Variants in FAM78A observed in about 807,000 individuals in gnomAD.
FAM78A encodes the protein family with sequence similarity 78 member A.
In FAM78A, 12 loss-of-function variants were observed where a neutral mutation model predicts 22.6. The observed-to-expected ratio is 0.53, with a 90% CI of 0.34 to 0.86. The LOEUF (loss-of-function observed/expected upper bound fraction) is 0.86. Ranked by LOEUF, FAM78A falls within the 40% of genes least tolerant of loss-of-function variation. FAM78A has a pLI of 0.02. For missense variants in FAM78A, 322 were observed against 396.1 expected, an observed-to-expected ratio of 0.81 and a Z score of 1.59; for synonymous variants, 151 against 155.8, an observed-to-expected ratio of 0.97 and a Z score of 0.23.
chr9:131,276,245 C>G lies in FAM78A; in HGVS notation c.-66G>C. 9 of 1,361,946 alleles carry G rather than the reference C, an allele frequency of 6.6e-6. No homozygotes were observed. The highest frequency in any genetic ancestry group is 1.5e-5 in the African/African-American group (1 of 68,880). The allele number at this position is 1,361,946 out of a possible 1,614,324, so 84.4% of individuals were successfully genotyped here. On this transcript the variant is annotated 5_prime_UTR_variant, in exon 1 of 2. Transcript: ENST00000372271. This position sits in a 1 kb window ranked among gnomAD's most constrained non-coding sequence, Gnocchi z 4.3. The stretch of plus-strand genomic sequence containing the variant: ...GCTCTCCAATCTCAACTCTCAAGAC[C>G]GATATCCATAGGATAGAAAACTCAC...
chr9:131,265,665 C>T lies in FAM78A; in HGVS notation c.324-4315G>A, dbSNP rs957675200. ...CCTCCCAAAGTGCTGGGATTACAGG[C>T]GTGAGCCACCGCACCTGGCTGTAAA... On this transcript the variant is annotated intron_variant, in intron 1 of 1. Coordinates refer to ENST00000372271, the MANE Select transcript of FAM78A (RefSeq NM_033387.4). This position sits in a 1 kb window ranked among gnomAD's most constrained non-coding sequence, Gnocchi z 4.3. Among the ~76,000 whole-genome samples the T allele has an allele frequency of 6.6e-6, 1 of 152,182 alleles. No individual in the cohort carries two copies. Among genetic ancestry groups the T allele is most frequent in the Non-Finnish European group, 1.5e-5 (1 of 68,028 alleles).
At position 131,276,132 on chromosome 9, in the gene FAM78A, CG is replaced by C; in HGVS notation, c.47del (p.Ala16GlyfsTer25). On this transcript the variant is annotated frameshift_variant, in exon 1 of 2. Transcript: ENST00000372271. LOFTEE classifies it high-confidence loss of function. This position sits in a 1 kb window ranked among gnomAD's most constrained non-coding sequence, Gnocchi z 4.3. The part of the protein sequence containing the change: ...CDCWPSLEIR[A>X]LLYAMGCIQS... ...GAATACAGCCCATGGCATACAGGAG[CG>C]CTCTGATCTCCAGGGAAGGCCAGCA... is the stretch of plus-strand genomic sequence containing the variant. 6.2e-7 allele frequency: 1 copy of C among 1,613,568 alleles called. No homozygotes were observed. The highest frequency in any genetic ancestry group is 8.5e-7 in the Non-Finnish European group (1 of 1,179,968).
rs778160683 is a variant in FAM78A at position 131,261,724 on chromosome 9, C to T, written c.324-374G>A. 6.6e-6 allele frequency among the ~76,000 whole-genome samples: 1 copy of T among 152,128 alleles called. No individual in the cohort carries two copies. Among genetic ancestry groups the T allele is most frequent in the Non-Finnish European group, 1.5e-5 (1 of 68,024 alleles). On this transcript the variant is annotated intron_variant, in intron 1 of 1. Coordinates refer to ENST00000372271, the MANE Select transcript of FAM78A (RefSeq NM_033387.4). The surrounding 1 kb of genome is among the most constrained non-coding windows in gnomAD (Gnocchi z 7.1). ...ACAATCTTCTCCATGCAACCCCACC[C>T]GGCAGATACAGAAAGTGAAGTGGTG...
In FAM78A at chr9:131,261,744, G is replaced by C. The variant is rs1588196220; in HGVS notation, c.324-394C>G. Among the ~76,000 whole-genome samples the C allele has an allele frequency of 1.3e-5, 2 of 152,324 alleles. No homozygotes were observed. The highest frequency in any genetic ancestry group is 6.5e-5 in the Admixed American group (1 of 15,298). On this transcript the variant is annotated intron_variant, in intron 1 of 1. Coordinates refer to ENST00000372271, the MANE Select transcript of FAM78A (RefSeq NM_033387.4). This position sits in a 1 kb window ranked among gnomAD's most constrained non-coding sequence, Gnocchi z 7.1. ...CCACCCGGCAGATACAGAAAGTGAA[G>C]TGGTGGGCTGGGGGTGGAGAGTGAG...
intron 1 of FAM78A, chr9:131,264,831 C>A: frequency 1.9e-6 from 1 of 522,654 alleles, no homozygotes; most frequent in Non-Finnish European, 3.4e-6. Context: ...TCAAGTGATT[C>A]TTCTGCCTCA....
chr9:131,277,050 G>T (rs1176511545), upstream of FAM78A, among the ~76,000 whole-genome samples: 1 of 150,648 alleles, frequency 6.6e-6, no homozygotes, highest in Non-Finnish European at 1.5e-5. The surrounding 1 kb of genome is among the most constrained non-coding windows in gnomAD (Gnocchi z 8.4). Context: ...CTGGGCGCGG[G>T]CTGCGGAGCT....
At chr9:131,268,825 G>A (rs1184164196) in intron 1 of FAM78A, among the ~76,000 whole-genome samples, 3 of 151,900 alleles carry the variant, frequency 2.0e-5, no homozygotes, top group Non-Finnish European at 2.9e-5. Context: ...CCCGGGAGGC[G>A]GAGCTTGCAG....
intron 1 of FAM78A, among the ~76,000 whole-genome samples, chr9:131,271,164 T>G (rs1835416832): frequency 6.6e-6 from 1 of 152,104 alleles, no homozygotes; most frequent in Admixed American, 6.5e-5. Flanking sequence ...CATGCCACCA[T>G]GCCTGGCTAA....
At chr9:131,267,892 T>G (rs1361931064) in intron 1 of FAM78A, among the ~76,000 whole-genome samples, 1 of 151,640 alleles carries the variant, frequency 6.6e-6, no homozygotes. Flanking sequence ...AAAAATATAT[T>G]TTAAAAAAAA....
intron 1 of FAM78A, among the ~76,000 whole-genome samples, chr9:131,266,644 C>T (rs1016871335): frequency 6.6e-6 from 1 of 152,242 alleles, no homozygotes; most frequent in African/African-American, 2.4e-5. Context: ...TTCAACGCCA[C>T]TGGATCTCAT....
rs531931056 is a variant in FAM78A, at chr9:131,275,358, A to G, written c.323+499T>C. On this transcript the variant is annotated intron_variant, in intron 1 of 1. Transcript: ENST00000372271. This position sits in a 1 kb window ranked among gnomAD's most constrained non-coding sequence, Gnocchi z 4.6. ...GGGAAGCACTCCCCCAGCTCCTGGC[A>G]TACACTGGTAAAAGCCAGAAAGATA... Among the ~76,000 whole-genome samples the G allele has an allele frequency of 1.3e-5, 2 of 152,354 alleles. No homozygotes were observed. The highest frequency in any genetic ancestry group is 1.9e-4 in the East Asian group (1 of 5,192).
upstream of FAM78A, among the ~76,000 whole-genome samples, chr9:131,278,995 A>G (rs1003364841): frequency 3.9e-5 from 6 of 152,262 alleles, no homozygotes; most frequent in African/African-American, 1.4e-4. Flanking sequence ...GACATCTCAC[A>G]GCAGCACCGG....
upstream of FAM78A, among the ~76,000 whole-genome samples, chr9:131,279,100 G>A (rs910644506): frequency 6.6e-6 from 1 of 152,228 alleles, no homozygotes; most frequent in African/African-American, 2.4e-5. Flanking sequence ...CGTATCCCCA[G>A]CTAATGAGGA....
chr9:131,277,960 T>TCGCCGC (rs1300073106), upstream of FAM78A, among the ~76,000 whole-genome samples: 1 of 145,568 alleles, frequency 6.9e-6, no homozygotes, highest in African/African-American at 2.5e-5. This position sits in a 1 kb window ranked among gnomAD's most constrained non-coding sequence, Gnocchi z 8.4. Flanking sequence ...CCGCGTCCGC[T>TCGCCGC]CGCCGCCGCC....
intron 1 of FAM78A, among the ~76,000 whole-genome samples, chr9:131,271,303 A>G (rs1564238863): frequency 6.6e-6 from 1 of 152,214 alleles, no homozygotes; most frequent in Non-Finnish European, 1.5e-5. Flanking sequence ...GGATAATGTA[A>G]CAACAGCAAC....
chr9:131,261,488 G>A lies in FAM78A; in HGVS notation c.324-138C>T. 1 of 703,564 alleles carries A rather than the reference G, an allele frequency of 1.4e-6. No homozygotes were observed. Among genetic ancestry groups the A allele is most frequent in the Admixed American group, 3.1e-5 (1 of 32,412 alleles). The allele number at this position is 703,564 out of a possible 1,614,324, so 43.6% of individuals were successfully genotyped here. A position where few individuals can be genotyped will look rare whatever the true frequency, so the allele number is the denominator to read the frequency against. On this transcript the variant is annotated intron_variant, in intron 1 of 1. Transcript: ENST00000372271. The surrounding 1 kb of genome is among the most constrained non-coding windows in gnomAD (Gnocchi z 7.1). Reference sequence around the variant, plus strand: ...ACCACCCGGTCCCCTTTGACGTTCTGGGGGCAGGGGGTCAGACAGTAGCTC... The same window carrying A: ...ACCACCCGGTCCCCTTTGACGTTCTAGGGGCAGGGGGTCAGACAGTAGCTC...
In FAM78A at chr9:131,270,032, T is replaced by TAAA. The variant is rs1435340970; in HGVS notation, c.323+5822_323+5824dup. On this transcript the variant is annotated intron_variant, in intron 1 of 1. Transcript: ENST00000372271. ...CAGCATGGTGAAACCCCATCCCTAC[T>TAAA]AAAATAAAAAAAAAAAAAAAAAAAA... 8.8e-3 allele frequency among the ~76,000 whole-genome samples: 299 copies of TAAA among 34,084 alleles called. 6 individuals are homozygous for TAAA. The highest frequency in any genetic ancestry group is 0.027 in the African/African-American group (288 of 10,722). The allele number at this position is 34,084 out of a possible 152,430, so 22.4% of individuals were successfully genotyped here. A position where few individuals can be genotyped will look rare whatever the true frequency, so the allele number is the denominator to read the frequency against.
chr9:131,271,503 G>C (rs1229870159), intron 1 of FAM78A, among the ~76,000 whole-genome samples: 1 of 152,224 alleles, frequency 6.6e-6, no homozygotes, highest in Non-Finnish European at 1.5e-5. Context: ...TCATAGATGG[G>C]AACAGTGAGG....
In FAM78A at chr9:131,260,204, C is replaced by T. The variant is rs963080261; in HGVS notation, c.*618G>A. On this transcript the variant is annotated 3_prime_UTR_variant, in exon 2 of 2. Coordinates refer to ENST00000372271, the MANE Select transcript of FAM78A (RefSeq NM_033387.4). This position sits in a 1 kb window ranked among gnomAD's most constrained non-coding sequence, Gnocchi z 5.4. ...GGAAGAAGGGCTCAAGAGACTCTCG[C>T]GGGCGACCCCAACCCTCCCTCCACC... 2.0e-5 allele frequency: 3 copies of T among 152,640 alleles called. No homozygotes were observed. The highest frequency in any genetic ancestry group is 2.1e-4 in the South Asian group (1 of 4,836). 9.5% of individuals were successfully genotyped at this position (152,640 alleles called of 1,614,324 possible). A position where few individuals can be genotyped will look rare whatever the true frequency, so the allele number is the denominator to read the frequency against.
Sources: gnomAD v4.1 joint callset for allele counts (sites outside exome capture counted in the v4.1 genomes callset) on GRCh38, gnomAD v4.1.1 for gene constraint, Gnocchi (gnomAD v3.1) non-coding constraint, MANE v1.5 for transcripts, NCBI Gene and HGNC (gene_info 2026-07-23, HGNC 2026-07-21) for gene names.